CUBN: variants seen among roughly 807,000 people sequenced by gnomAD.
CUBN encodes the protein 460 kDa receptor.
A neutral mutation model predicts 405.3 loss-of-function variants in CUBN; 282 were observed. The ratio of observed to expected loss-of-function variants is 0.70; its 90% CI spans 0.63 to 0.77. CUBN has a LOEUF of 0.77. Among genes scored for constraint, CUBN ranks in the 30% least tolerant of loss-of-function variants. CUBN has a pLI of 0.00. For synonymous variants in CUBN, 1,684 were observed against 1,617.0 expected (o/e 1.04, Z -0.99); for missense variants, 4,514 against 4,475.2 (o/e 1.01, Z -0.25).
intron 31 of CUBN, among the ~76,000 whole-genome samples, chr10:16,966,161 G>C (rs75763602): frequency 6.6e-6 from 1 of 152,158 alleles, no homozygotes; most frequent in African/African-American, 2.4e-5. Context: ...AGTAGCATTT[G>C]AGAAAGTCTT....
intron 36 of CUBN, among the ~76,000 whole-genome samples, chr10:16,945,419 A>T (rs186706467): frequency 4.6e-5 from 7 of 152,170 alleles, no homozygotes; most frequent in Non-Finnish European, 1.0e-4. Context: ...TCTGGTAAAC[A>T]TTATAAAGTA....
intron 22 of CUBN, among the ~76,000 whole-genome samples, chr10:17,056,519 G>A (rs1356865779): frequency 6.6e-6 from 1 of 151,982 alleles, no homozygotes; most frequent in East Asian, 1.9e-4. Context: ...TGAGGCAAGA[G>A]AATGGCGTGA....
At chr10:17,028,742 A>AAGAC (rs1407498208) in intron 27 of CUBN, among the ~76,000 whole-genome samples, 6 of 151,756 alleles carry the variant, frequency 4.0e-5, no homozygotes, top group African/African-American at 1.5e-4. Flanking sequence ...GAAAGAAAGA[A>AAGAC]AGAAAAAATA....
chr10:17,016,689 G>C lies in CUBN; in HGVS notation c.4168+3144C>G, dbSNP rs531630818. ...TGAAGGGTACATAACCAATATCCCG[G>C]GGGTTTTTGTGGTCCCTTGGAGATT... is the stretch of plus-strand genomic sequence containing the variant. On this transcript the variant is annotated intron_variant, in intron 28 of 66. Transcript: ENST00000377833. 2.0e-5 allele frequency among the ~76,000 whole-genome samples: 3 copies of C among 152,236 alleles called. No individual in the cohort carries two copies. The South Asian group carries it at 6.2e-4, about 32-fold the overall frequency.
chr10:17,063,597 T>C (rs1257509559), intron 22 of CUBN, among the ~76,000 whole-genome samples: 1 of 152,216 alleles, frequency 6.6e-6, no homozygotes, highest in Non-Finnish European at 1.5e-5. Context: ...TGAAAACTTT[T>C]AGAATTAAAA....
rs1242511574 is a variant in CUBN at position 17,127,838 on chromosome 10, A to C, written c.339T>G (p.Leu113=). Residue 113 remains leucine, a synonymous_variant, in exon 3 of 67, where the codon CTT becomes CTG. Coordinates refer to ENST00000377833, the MANE Select transcript of CUBN (RefSeq NM_001081.4). ...PQNISSQIYQ[L]NSKLVDLERK... ...TAGATGTCAGACTTACCTTGGAATTAAGCTGATAGATTTGACTAGATATAT... is the reference window on the plus strand; with the variant it reads ...TAGATGTCAGACTTACCTTGGAATTCAGCTGATAGATTTGACTAGATATAT... 1.9e-6 allele frequency: 3 copies of C among 1,610,640 alleles called. No homozygotes were observed. Among genetic ancestry groups the C allele is most frequent in the Non-Finnish European group, 2.5e-6 (3 of 1,177,014 alleles).
intron 28 of CUBN, among the ~76,000 whole-genome samples, chr10:17,010,747 T>C (rs1379320575): frequency 1.3e-5 from 2 of 152,222 alleles, no homozygotes; most frequent in Admixed American, 6.5e-5. Flanking sequence ...GAATTCCTAA[T>C]GTACGTTTCA....
intron 28 of CUBN, among the ~76,000 whole-genome samples, chr10:16,992,532 T>C (rs1235296549): frequency 6.6e-6 from 1 of 152,162 alleles, no homozygotes; most frequent in Non-Finnish European, 1.5e-5. Context: ...TCTATGCAAA[T>C]TCCTCCTGTA....
intron 64 of CUBN, among the ~76,000 whole-genome samples, chr10:16,833,055 C>T (rs1471698550): frequency 7.9e-5 from 12 of 152,156 alleles, no homozygotes; most frequent in South Asian, 6.2e-4. Context: ...TCACTCTCCA[C>T]GGCTGGAAAG....
Position 16,880,366 on chromosome 10 carries a change from C to G in CUBN, c.8906-3269G>C, listed in dbSNP as rs113266841. Among the ~76,000 whole-genome samples, 867 of 152,256 alleles carry G rather than the reference C, an allele frequency of 5.7e-3. 9 individuals are homozygous for G. Among genetic ancestry groups the G allele is most frequent in the African/African-American group, 0.02 (824 of 41,538 alleles). On this transcript the variant is annotated intron_variant, in intron 56 of 66. Transcript: ENST00000377833. The stretch of plus-strand genomic sequence containing the variant: ...CCAATCAGATGTGTCCAAACTGCAA[C>G]TGAGTAAGAGTCAATGGTAGGAGCC...
intron 28 of CUBN, among the ~76,000 whole-genome samples, chr10:16,995,452 A>G (rs1225731632): frequency 6.6e-6 from 1 of 152,206 alleles, no homozygotes; most frequent in Admixed American, 6.5e-5. Context: ...AATGTTGTGC[A>G]TATCATAATC....
intron 34 of CUBN, among the ~76,000 whole-genome samples, chr10:16,949,791 A>C (rs1267936664): frequency 6.6e-6 from 1 of 152,156 alleles, no homozygotes; most frequent in Non-Finnish European, 1.5e-5. Context: ...CAAACTATTC[A>C]CACGTTTGAA....
intron 28 of CUBN, among the ~76,000 whole-genome samples, chr10:16,991,630 TG>T (rs144215568): frequency 0.66 from 94,959 of 143,306 alleles, 32,713 homozygotes; most frequent in Middle Eastern, 0.78. Context: ...CCTCTTTTTC[TG>T]TTTTTTTTTT....
chr10:17,073,274 G>A (rs1415210273), intron 17 of CUBN, among the ~76,000 whole-genome samples: 17 of 152,000 alleles, frequency 1.1e-4, no homozygotes, highest in Non-Finnish European at 2.9e-5. Flanking sequence ...AATAGTGCAA[G>A]AAAGGTTAGA....
intron 17 of CUBN, among the ~76,000 whole-genome samples, chr10:17,076,508 TC>T (rs1835858676): frequency 6.6e-6 from 1 of 150,794 alleles, no homozygotes; most frequent in South Asian, 2.1e-4. Flanking sequence ...AAAACCTCTT[TC>T]CTTTATGCTC....
At chr10:16,980,750 T>C (rs1166997100) in intron 31 of CUBN, among the ~76,000 whole-genome samples, 1 of 151,944 alleles carries the variant, frequency 6.6e-6, no homozygotes, top group Non-Finnish European at 1.5e-5. Flanking sequence ...AGATGACGGG[T>C]TGATGAGTGC....
intron 60 of CUBN, among the ~76,000 whole-genome samples, chr10:16,848,383 C>T (rs902411870): frequency 5.9e-5 from 9 of 151,856 alleles, no homozygotes; most frequent in Non-Finnish European, 1.3e-4. Context: ...ATTACTCCAA[C>T]GGGGAAAAAA....
intron 54 of CUBN, among the ~76,000 whole-genome samples, chr10:16,892,491 T>A (rs1296157326): frequency 6.6e-6 from 1 of 151,920 alleles, no homozygotes; most frequent in East Asian, 1.9e-4. Context: ...GTATATATAT[T>A]TTATATATAT....
intron 22 of CUBN, among the ~76,000 whole-genome samples, chr10:17,057,991 G>A (rs556816250): frequency 4.6e-5 from 7 of 151,876 alleles, no homozygotes; most frequent in African/African-American, 9.7e-5. Context: ...GCATGGTGGC[G>A]CGCACCTGTA....
Sources: allele counts gnomAD v4.1 joint callset (sites outside exome capture counted in the v4.1 genomes callset), GRCh38; gene constraint gnomAD v4.1.1; transcripts MANE v1.5; gene names NCBI Gene and HGNC (gene_info 2026-07-23, HGNC 2026-07-21).